The following HORMAD2 variants were observed in gnomAD, a reference collection of about 807,000 sequenced individuals.
HORMAD2 encodes the protein HORMA domain-containing protein 2.
In HORMAD2, 45 loss-of-function variants were observed where a neutral mutation model predicts 38.8. The ratio of observed to expected loss-of-function variants is 1.16; its 90% CI spans 0.91 to 1.49. The LOEUF is 1.49. HORMAD2 is among the 40% of genes most tolerant of loss of function. The pLI is 0.00. For missense variants in HORMAD2, 338 were observed against 367.0 expected, an observed-to-expected ratio of 0.92 and a Z score of 0.65; for synonymous variants, 126 against 122.8, an observed-to-expected ratio of 1.03 and a Z score of -0.17.
chr22:30,134,208 G>A (rs531525186), intron 10 of HORMAD2, among the ~76,000 whole-genome samples: 1 of 151,888 alleles, frequency 6.6e-6, no homozygotes, highest in Non-Finnish European at 1.5e-5. Flanking sequence ...GACAAGCCTG[G>A]CCAACATGGT....
chr22:30,115,658 C>A (rs1430498853), intron 7 of HORMAD2, among the ~76,000 whole-genome samples: 1 of 152,072 alleles, frequency 6.6e-6, no homozygotes, highest in African/African-American at 2.4e-5. Context: ...TCCCTGCTCT[C>A]TAGAAGCCTA....
intron 8 of HORMAD2, among the ~76,000 whole-genome samples, chr22:30,119,640 A>G (rs1223752579): frequency 6.6e-6 from 1 of 152,202 alleles, no homozygotes; most frequent in Non-Finnish European, 1.5e-5. Context: ...TTTTGGATTC[A>G]GACCTGCCAG....
At chr22:30,197,423 A>G in the HORMAD2 span, among the ~76,000 whole-genome samples, 140,281 of 152,126 alleles carry the variant, frequency 0.92, 64,752 homozygotes, top group East Asian at 1. Flanking sequence ...ATTCAGAACC[A>G]TGACCCTACC....
At chr22:30,172,764 T>C (rs1363223406) in intron 10 of HORMAD2, among the ~76,000 whole-genome samples, 3 of 152,068 alleles carry the variant, frequency 2.0e-5, no homozygotes, top group Non-Finnish European at 4.4e-5. Flanking sequence ...GGCGGGTACC[T>C]GTAATCCCAG....
chr22:30,183,111 C>G, the HORMAD2 span, among the ~76,000 whole-genome samples: 2 of 152,050 alleles, frequency 1.3e-5, no homozygotes, highest in Non-Finnish European at 2.9e-5. Context: ...GAAGTAGCCC[C>G]AGAAATGGGA....
At chr22:30,116,178 G>A (rs887657221) in intron 7 of HORMAD2, among the ~76,000 whole-genome samples, 10 of 152,144 alleles carry the variant, frequency 6.6e-5, no homozygotes, top group African/African-American at 2.4e-4. Flanking sequence ...GGGTGTTTGA[G>A]CATAGAAAAG....
In HORMAD2 at chr22:30,098,506, T is replaced by C. The variant is rs111712915; in HGVS notation, c.52-346T>C. 5.5e-3 allele frequency among the ~76,000 whole-genome samples: 839 copies of C among 152,164 alleles called. 8 individuals carry two copies. Among genetic ancestry groups the C allele is most frequent in the African/African-American group, 0.019 (785 of 41,494 alleles). ...TTGTACTTGGTGACTTTGGAGAGAA[T>C]AGTTTAGAAAGGAAAGGAGGAAAAT... On this transcript the variant is annotated intron_variant, in intron 2 of 10. Transcript: ENST00000336726.
intron 10 of HORMAD2, among the ~76,000 whole-genome samples, chr22:30,123,731 G>A (rs1487141529): frequency 6.6e-6 from 1 of 151,664 alleles, no homozygotes; most frequent in Non-Finnish European, 1.5e-5. Flanking sequence ...GAGTGCAGTA[G>A]TTGATCACAG....
intron 10 of HORMAD2, among the ~76,000 whole-genome samples, chr22:30,172,254 A>G (rs5997586): frequency 1.0e-3 from 159 of 152,298 alleles, no homozygotes; most frequent in African/African-American, 3.5e-3. Context: ...TGGGGCAGGA[A>G]TTTTTATCTC....
At chr22:30,149,115 C>T (rs1924595692) in intron 10 of HORMAD2, among the ~76,000 whole-genome samples, 1 of 152,184 alleles carries the variant, frequency 6.6e-6, no homozygotes. Flanking sequence ...GTAACTGATG[C>T]TTATGTTATT....
chr22:30,190,070 A>T, the HORMAD2 span, among the ~76,000 whole-genome samples: 1 of 152,210 alleles, frequency 6.6e-6, no homozygotes, highest in Non-Finnish European at 1.5e-5. Flanking sequence ...TCTCAGGACC[A>T]CTTATTAGCC....
At chr22:30,114,671 AG>A (rs1921911668) in intron 7 of HORMAD2, among the ~76,000 whole-genome samples, 2 of 152,202 alleles carry the variant, frequency 1.3e-5, no homozygotes, top group Non-Finnish European at 2.9e-5. Context: ...TACACTAGAC[AG>A]TTGGATTAAA....
At chr22:30,118,881 G>GT in intron 7 of HORMAD2, 99 bp from the exon 8 acceptor site, 1 of 751,238 alleles carries the variant, frequency 1.3e-6, no homozygotes, top group Non-Finnish European at 2.3e-6. Flanking sequence ...AGGAAGTACA[G>GT]TAGATATACA....
intron 10 of HORMAD2, among the ~76,000 whole-genome samples, chr22:30,147,982 C>T (rs1433492177): frequency 1.3e-5 from 2 of 152,104 alleles, no homozygotes; most frequent in Non-Finnish European, 2.9e-5. Flanking sequence ...GAAATTTTCA[C>T]TCCTAGGTAT....
intron 10 of HORMAD2, among the ~76,000 whole-genome samples, chr22:30,123,843 T>A (rs74972582): frequency 2.6e-5 from 4 of 151,588 alleles, no homozygotes; most frequent in Non-Finnish European, 5.9e-5. Context: ...GCTTATTTTT[T>A]ATTTTTTTTA....
the HORMAD2 span, among the ~76,000 whole-genome samples, chr22:30,201,705 C>T: frequency 0.013 from 2,007 of 152,134 alleles, 19 homozygotes; most frequent in Non-Finnish European, 0.022. Flanking sequence ...CGTGAGCCAC[C>T]GTGCCCGGCA....
At position 30,158,595 on chromosome 22, in the gene HORMAD2, T is replaced by TTCCTTCCTTCCCTCCCTCCCTTTG. The variant is rs1209084640; in HGVS notation, c.820-17465_820-17464insTTCCTTCCCTCCCTCCCTTTGTCC. 6.3e-3 allele frequency among the ~76,000 whole-genome samples: 604 copies of TTCCTTCCTTCCCTCCCTCCCTTTG among 96,076 alleles called. 12 individuals carry two copies. The highest frequency in any genetic ancestry group is 0.026 in the African/African-American group (565 of 21,570). The allele number at this position is 96,076 out of a possible 152,430, so 63.0% of individuals were successfully genotyped here. A position where few individuals can be genotyped will look rare whatever the true frequency, so the allele number is the denominator to read the frequency against. On this transcript the variant is annotated intron_variant, in intron 10 of 10. Transcript: ENST00000336726. ...TCCCCTTCCCCTTCTCCTTCCTTCC[T>TTCCTTCCTTCCCTCCCTCCCTTTG]TCCCTCCCTCCCTCCGTCCCTCCCT...
At chr22:30,079,295 A>AC (rs2068429790), upstream of HORMAD2, among the ~76,000 whole-genome samples, 2 of 152,204 alleles carry the variant, frequency 1.3e-5, no homozygotes, top group South Asian at 2.1e-4. Flanking sequence ...AAGGAGCCAC[A>AC]CCCCCAACTG....
chr22:30,152,793 A>G (rs1924833006), intron 10 of HORMAD2, among the ~76,000 whole-genome samples: 1 of 152,082 alleles, frequency 6.6e-6, no homozygotes, highest in Non-Finnish European at 1.5e-5. Context: ...ATCCCCAAAC[A>G]TCCCCCAAAA....
Sources: allele counts gnomAD v4.1 joint callset (sites outside exome capture counted in the v4.1 genomes callset), GRCh38; gene constraint gnomAD v4.1.1; transcripts MANE v1.5; gene names NCBI Gene and HGNC (gene_info 2026-07-23, HGNC 2026-07-21).